Variants in DLGAP3 observed in about 807,000 individuals in gnomAD.
DLGAP3 encodes the protein DLG associated protein 3, also known as disks large-associated protein 3.
Under a neutral mutation model 81.2 loss-of-function variants are expected in DLGAP3, and 17 were observed. The observed-to-expected ratio is 0.21, with a 90% confidence interval of 0.14 to 0.31. DLGAP3 has a LOEUF of 0.31. Among genes scored for constraint, DLGAP3 ranks in the 10% least tolerant of loss-of-function variants. The probability of loss-of-function intolerance (pLI) is 1.00; values close to 1 mark genes in which losing one functional copy is unlikely to be tolerated. For synonymous variants in DLGAP3, 577 were observed against 587.4 expected, an observed-to-expected ratio of 0.98 and a Z score of 0.26; for missense variants, 1,124 against 1,388.0, an observed-to-expected ratio of 0.81 and a Z score of 3.02.
intron 1 of DLGAP3, among the ~76,000 whole-genome samples, chr1:34,913,512 G>C (rs555514776): frequency 2.0e-5 from 3 of 152,166 alleles, no homozygotes; most frequent in African/African-American, 7.2e-5. Flanking sequence ...TGCAACCCTG[G>C]GTATGTTCTA....
At position 34,867,293 on chromosome 1, in the gene DLGAP3, G is replaced by A; in HGVS notation, c.2578-102C>T. 2 of 1,539,368 alleles carry A rather than the reference G, an allele frequency of 1.3e-6. No homozygotes were observed. The highest frequency in any genetic ancestry group is 1.8e-6 in the Non-Finnish European group (2 of 1,117,662). On this transcript the variant is annotated intron_variant, in intron 10 of 11. Transcript: ENST00000373347. This position sits in a 1 kb window ranked among gnomAD's most constrained non-coding sequence, Gnocchi z 4.3. ...TCCACCCTTACTGCCAGGAAGCTCAGCCTGGGAGAGTGGGTGGGGGCTGGG... is the reference window on the plus strand; with the variant it reads ...TCCACCCTTACTGCCAGGAAGCTCAACCTGGGAGAGTGGGTGGGGGCTGGG...
chr1:34,867,264 C>T lies in DLGAP3; in HGVS notation c.2578-73G>A. ...AGCCCCAGCCAGGACAAGAGAAAGT[C>T]CTATCCACCCTTACTGCCAGGAAGC... On this transcript the variant is annotated intron_variant, in intron 10 of 11. Transcript: ENST00000373347. This position sits in a 1 kb window ranked among gnomAD's most constrained non-coding sequence, Gnocchi z 4.3. The T allele has an allele frequency of 6.3e-7, 1 of 1,596,414 alleles. No homozygotes were observed. Among genetic ancestry groups the T allele is most frequent in the African/African-American group, 1.3e-5 (1 of 74,708 alleles).
At chr1:34,886,920 T>C (rs1330272735) in intron 5 of DLGAP3, among the ~76,000 whole-genome samples, 2 of 147,086 alleles carry the variant, frequency 1.4e-5, no homozygotes, top group Admixed American at 6.8e-5. Flanking sequence ...AACCTACCAG[T>C]GTCCCAAGCC....
At chr1:34,917,020 T>C (rs1303899331) in intron 1 of DLGAP3, among the ~76,000 whole-genome samples, 1 of 151,752 alleles carries the variant, frequency 6.6e-6, no homozygotes, top group Admixed American at 6.6e-5. Context: ...TAAAGTAGCA[T>C]GTCTCCCTGA....
chr1:34,868,796 CCGGGGGTGGGGG>C lies in DLGAP3; in HGVS notation c.2282_2293del (p.Ala761_Pro764del), dbSNP rs761630237. 9.5e-6 allele frequency: 15 copies of C among 1,582,864 alleles called. No individual in the cohort carries two copies. The highest frequency in any genetic ancestry group is 4.5e-5 in the South Asian group (4 of 89,264). On this transcript the variant is annotated inframe_deletion, in exon 9 of 12. Coordinates refer to ENST00000373347, the MANE Select transcript of DLGAP3 (RefSeq NM_001080418.3). The surrounding 1 kb of genome is among the most constrained non-coding windows in gnomAD (Gnocchi z 7.5). ...GGAGTCACGGCGGCCGGCCCCAGGG[CCGGGGGTGGGGG>C]CGGGGGCAGGGCCGGGCGACCCATC...
At chr1:34,918,443 A>C (rs1054816718) in intron 1 of DLGAP3, among the ~76,000 whole-genome samples, 1 of 152,194 alleles carries the variant, frequency 6.6e-6, no homozygotes, top group African/African-American at 2.4e-5. Flanking sequence ...GAACAGACTC[A>C]GCCTGGTGCA....
chr1:34,903,767 C>T (rs946324592), intron 3 of DLGAP3, among the ~76,000 whole-genome samples: 2 of 152,226 alleles, frequency 1.3e-5, no homozygotes, highest in Non-Finnish European at 1.5e-5. Flanking sequence ...ACCACCGGTA[C>T]CCCGGAATGA....
chr1:34,917,848 G>C (rs1284221881), intron 1 of DLGAP3, among the ~76,000 whole-genome samples: 1 of 152,320 alleles, frequency 6.6e-6, no homozygotes, highest in East Asian at 1.9e-4. Context: ...CTAGGCCCAG[G>C]TGAGCCATGA....
Position 34,901,512 on chromosome 1 carries a change from C to T in DLGAP3, c.1108-1239G>A, listed in dbSNP as rs117646478. ...GCTGGATAGGTGAACTTAAGCAAAA[C>T]AGATTAACCTCTAAGTGTCAGTTTC... is the stretch of plus-strand genomic sequence containing the variant. On this transcript the variant is annotated intron_variant, in intron 3 of 11. Coordinates refer to ENST00000373347, the MANE Select transcript of DLGAP3 (RefSeq NM_001080418.3). Among the ~76,000 whole-genome samples, 70 of 152,310 alleles carry T rather than the reference C, an allele frequency of 4.6e-4. No individual in the cohort carries two copies. In the East Asian group the frequency reaches 0.012, roughly 25 times the overall value.
chr1:34,916,597 G>A (rs1167499318), intron 1 of DLGAP3, among the ~76,000 whole-genome samples: 1 of 152,224 alleles, frequency 6.6e-6, no homozygotes, highest in Non-Finnish European at 1.5e-5. Flanking sequence ...TTGAATCTGA[G>A]TCTGGGTCCA....
chr1:34,871,342 C>G (rs188812969), intron 8 of DLGAP3, among the ~76,000 whole-genome samples: 85 of 152,312 alleles, frequency 5.6e-4, no homozygotes, highest in African/African-American at 2.0e-3. Flanking sequence ...CCTGAAATGG[C>G]CTTCCTCCTC....
In DLGAP3 at chr1:34,904,574, A is replaced by G. The variant is rs775995572; in HGVS notation, c.810T>C (p.Asp270=). 1.2e-6 allele frequency: 2 copies of G among 1,614,094 alleles called. No homozygotes were observed. The highest frequency in any genetic ancestry group is 1.7e-5 in the Admixed American group (1 of 60,012). Residue 270 remains aspartate (D), a synonymous_variant, in exon 3 of 12, where the codon GAT becomes GAC. Coordinates refer to ENST00000373347, the MANE Select transcript of DLGAP3 (RefSeq NM_001080418.3). The surrounding 1 kb of genome is among the most constrained non-coding windows in gnomAD (Gnocchi z 8.1). ...WWSSDDNLDS[D]SGFLAGGRPP... Reference sequence around the variant, plus strand: ...GCCTCCCACCCGCCAGGAAGCCGCTATCACTGTCCAAGTTGTCATCGGAAC... The same window carrying G: ...GCCTCCCACCCGCCAGGAAGCCGCTGTCACTGTCCAAGTTGTCATCGGAAC...
chr1:34,903,668 C>G (rs540602862), intron 3 of DLGAP3, among the ~76,000 whole-genome samples: 1 of 152,296 alleles, frequency 6.6e-6, no homozygotes, highest in East Asian at 1.9e-4. Flanking sequence ...TGAATTGTAT[C>G]AGGGCTGAAA....
intron 1 of DLGAP3, among the ~76,000 whole-genome samples, chr1:34,915,226 G>A (rs921274273): frequency 1.2e-4 from 18 of 152,262 alleles, no homozygotes; most frequent in East Asian, 5.8e-4. Flanking sequence ...CTTAGCTTGC[G>A]GCAATGAGTA....
At chr1:34,925,164 C>T (rs1037433239) in intron 1 of DLGAP3, among the ~76,000 whole-genome samples, 13 of 147,720 alleles carry the variant, frequency 8.8e-5, no homozygotes, top group African/African-American at 3.2e-4. Context: ...TCGCTCCCAT[C>T]CACCGGGGGC....
At position 34,904,977 on chromosome 1, in the gene DLGAP3, A is replaced by C. The variant is rs1485622649; in HGVS notation, c.407T>G (p.Phe136Cys). 1 of 1,613,150 alleles carries C rather than the reference A, an allele frequency of 6.2e-7. No individual in the cohort carries two copies. The highest frequency in any genetic ancestry group is 8.5e-7 in the Non-Finnish European group (1 of 1,179,716). ...EKQLPVQQDGFHTLPYQRGPA... is the reference protein window; with the variant it reads ...EKQLPVQQDGCHTLPYQRGPA... ...CCCTCGCTGGTATGGTAGTGTGTGG[A>C]AGCCATCTTGTTGAACTGGCAACTG... The change falls in exon 3 of 12, where the codon TTC (phenylalanine) becomes TGC (cysteine). Residue 136 changes from phenylalanine (F) to cysteine (C), a missense_variant. By Grantham distance (205) the Phe-to-Cys change is radical. This residue lies in a region of DLGAP3 where 4 missense variants were observed against 18.7 expected (regional missense o/e 0.21). Coordinates refer to ENST00000373347, the MANE Select transcript of DLGAP3 (RefSeq NM_001080418.3). The surrounding 1 kb of genome is among the most constrained non-coding windows in gnomAD (Gnocchi z 8.1).
intron 1 of DLGAP3, among the ~76,000 whole-genome samples, chr1:34,910,734 AT>A (rs1639627126): frequency 1.3e-5 from 2 of 152,112 alleles, no homozygotes; most frequent in Admixed American, 6.5e-5. Flanking sequence ...ACTAGGTCAG[AT>A]CCCCCTGCTG....
chr1:34,913,326 C>T (rs1034998281), intron 1 of DLGAP3, among the ~76,000 whole-genome samples: 2 of 152,214 alleles, frequency 1.3e-5, no homozygotes, highest in Non-Finnish European at 2.9e-5. Flanking sequence ...CTGGACGGTG[C>T]TCGGCCTGTG....
chr1:34,900,343 A>C lies in DLGAP3; in HGVS notation c.1108-70T>G. 6.7e-7 allele frequency: 1 copy of C among 1,496,680 alleles called. No homozygotes were observed. The highest frequency in any genetic ancestry group is 9.3e-7 in the Non-Finnish European group (1 of 1,080,236). The allele number at this position is 1,496,680 out of a possible 1,614,324, so 92.7% of individuals were successfully genotyped here. A position where few individuals can be genotyped will look rare whatever the true frequency, so the allele number is the denominator to read the frequency against. On this transcript the variant is annotated intron_variant, in intron 3 of 11. Transcript: ENST00000373347. This position sits in a 1 kb window ranked among gnomAD's most constrained non-coding sequence, Gnocchi z 5.6. ...ATCTAGAGGCCAGGACTCTTTCCCCACTGCCAGTGGGAGATGCCCTGCCCT... is the reference window on the plus strand; with the variant it reads ...ATCTAGAGGCCAGGACTCTTTCCCCCCTGCCAGTGGGAGATGCCCTGCCCT...
Sources: allele counts gnomAD v4.1 joint callset (sites outside exome capture counted in the v4.1 genomes callset), GRCh38; gene constraint gnomAD v4.1.1; regional missense constraint gnomAD v4.1.1; non-coding constraint Gnocchi (gnomAD v3.1); transcripts MANE v1.5; gene names NCBI Gene and HGNC (gene_info 2026-07-23, HGNC 2026-07-21).